Variants in NRCAM observed in about 807,000 individuals in gnomAD.
NRCAM encodes the protein neuronal cell adhesion molecule, also known as NgCAM-related cell adhesion molecule.
Under a neutral mutation model 156.5 loss-of-function variants are expected in NRCAM, and 83 were observed. The ratio of observed to expected loss-of-function variants is 0.53; its 90% CI spans 0.44 to 0.64. NRCAM has a LOEUF of 0.64. Ranked by LOEUF, NRCAM falls within the 30% of genes least tolerant of loss-of-function variation. The pLI is 0.00. For missense variants in NRCAM, 1,417 were observed against 1,597.3 expected, an observed-to-expected ratio of 0.89 and a Z score of 1.92; for synonymous variants, 538 against 563.9, an observed-to-expected ratio of 0.95 and a Z score of 0.65.
chr7:108,231,727 T>C (rs1044323464), intron 7 of NRCAM, among the ~76,000 whole-genome samples: 1 of 152,158 alleles, frequency 6.6e-6, no homozygotes, highest in Non-Finnish European at 1.5e-5. Context: ...TCATGAACAG[T>C]TTTTAAATTT....
chr7:108,332,763 T>C lies in NRCAM; in HGVS notation c.-173-20032A>G, dbSNP rs1330864259. On this transcript the variant is annotated intron_variant, in intron 2 of 32. Transcript: ENST00000379028. Reference sequence around the variant, plus strand: ...ACAATGTAGACATGGGGTGTGTCAATACAACACACATCTTATTCAAAACAC... The same window carrying C: ...ACAATGTAGACATGGGGTGTGTCAACACAACACACATCTTATTCAAAACAC... Among the ~76,000 whole-genome samples, 4 of 152,304 alleles carry C rather than the reference T, an allele frequency of 2.6e-5. No individual in the cohort carries two copies. In the South Asian group the frequency reaches 8.3e-4, roughly 32 times the overall value.
intron 14 of NRCAM, among the ~76,000 whole-genome samples, chr7:108,196,169 T>C (rs1166614282): frequency 6.6e-6 from 1 of 152,216 alleles, no homozygotes; most frequent in African/African-American, 2.4e-5. Context: ...GCACAGTGTC[T>C]GGCACAAAAA....
intron 3 of NRCAM, among the ~76,000 whole-genome samples, chr7:108,291,737 G>C (rs1260824940): frequency 1.3e-5 from 2 of 152,052 alleles, no homozygotes; most frequent in Admixed American, 6.6e-5. Flanking sequence ...AAAGTATAGA[G>C]GAAGAGACAC....
intron 1 of NRCAM, among the ~76,000 whole-genome samples, chr7:108,409,631 T>G (rs1368439766): frequency 6.6e-6 from 1 of 152,206 alleles, no homozygotes; most frequent in Non-Finnish European, 1.5e-5. Flanking sequence ...AGACCCCATT[T>G]TGGGGGAGGA....
rs886961722 is a variant in NRCAM, at chr7:108,190,008, C to T, written c.1934-262G>A. The stretch of plus-strand genomic sequence containing the variant: ...GTAACCAAACCCAGTGAAGCAGACA[C>T]ATGTGGTTCATCAGCACTCTCAGCG... On this transcript the variant is annotated intron_variant, in intron 19 of 32. Coordinates refer to ENST00000379028, the MANE Select transcript of NRCAM (RefSeq NM_001037132.4). Among the ~76,000 whole-genome samples, 4 of 152,158 alleles carry T rather than the reference C, an allele frequency of 2.6e-5. No homozygotes were observed. The South Asian group carries it at 6.2e-4, about 24-fold the overall frequency.
chr7:108,440,375 A>AT lies in NRCAM; in HGVS notation c.-332+15867dup, dbSNP rs904873396. ...AATTCCATTTTTTAATTTGGGTTAC[A>AT]TTTTTTTTTCATTAAATGAATTAAG... On this transcript the variant is annotated intron_variant, in intron 1 of 32. Coordinates refer to ENST00000379028, the MANE Select transcript of NRCAM (RefSeq NM_001037132.4). 4.2e-4 allele frequency among the ~76,000 whole-genome samples: 63 copies of AT among 151,492 alleles called. No individual in the cohort carries two copies. The East Asian group carries it at 0.011, about 26-fold the overall frequency.
At chr7:108,236,710 T>C (rs2095053644) in intron 5 of NRCAM, among the ~76,000 whole-genome samples, 1 of 152,190 alleles carries the variant, frequency 6.6e-6, no homozygotes, top group East Asian at 1.9e-4. Flanking sequence ...ATTATCATAA[T>C]CATTTTTTAT....
intron 2 of NRCAM, among the ~76,000 whole-genome samples, chr7:108,393,587 T>G (rs1187292989): frequency 6.6e-6 from 1 of 152,130 alleles, no homozygotes; most frequent in African/African-American, 2.4e-5. Flanking sequence ...CTGCACCCAC[T>G]GTCCTGCACC....
rs1446607117 is a variant in NRCAM at position 108,299,035 on chromosome 7, G to A, written c.-107+13630C>T. On this transcript the variant is annotated intron_variant, in intron 3 of 32. Transcript: ENST00000379028. ...GCAGAAGAATCGCTTGAACCCAGGA[G>A]GCAGAGTTTGCAGTGAACCAAGATC... Among the ~76,000 whole-genome samples, 3 of 139,652 alleles carry A rather than the reference G, an allele frequency of 2.1e-5. No individual in the cohort carries two copies. The East Asian group carries it at 6.5e-4, about 30-fold the overall frequency. The allele number at this position is 139,652 out of a possible 152,430, so 91.6% of individuals were successfully genotyped here.
chr7:108,190,315 G>C (rs538962021), intron 19 of NRCAM, among the ~76,000 whole-genome samples: 1 of 152,158 alleles, frequency 6.6e-6, no homozygotes, highest in African/African-American at 2.4e-5. Context: ...ACAGTGTATA[G>C]ACAGACACAT....
intron 1 of NRCAM, among the ~76,000 whole-genome samples, chr7:108,444,738 C>T (rs1389892256): frequency 6.6e-6 from 1 of 152,176 alleles, no homozygotes; most frequent in Non-Finnish European, 1.5e-5. Context: ...GGGGCCTAAC[C>T]TAATTATCTC....
intron 3 of NRCAM, among the ~76,000 whole-genome samples, chr7:108,256,934 G>A (rs1274224875): frequency 7.3e-5 from 11 of 151,316 alleles, no homozygotes; most frequent in African/African-American, 1.9e-4. Context: ...ACTTGAACCC[G>A]GGAGGTGGAG....
At chr7:108,408,266 G>C (rs1015864603) in intron 1 of NRCAM, among the ~76,000 whole-genome samples, 2 of 152,260 alleles carry the variant, frequency 1.3e-5, no homozygotes, top group African/African-American at 2.4e-5. Flanking sequence ...CACTTTTTAA[G>C]AGCCCAACAT....
At chr7:108,198,742 T>C (rs1209491918) in intron 13 of NRCAM, among the ~76,000 whole-genome samples, 1 of 152,228 alleles carries the variant, frequency 6.6e-6, no homozygotes, top group Non-Finnish European at 1.5e-5. Context: ...AATAACCAAA[T>C]GTGAAAATAT....
chr7:108,383,466 G>A (rs1990710), intron 2 of NRCAM, among the ~76,000 whole-genome samples: 4,981 of 152,212 alleles, frequency 0.033, 279 homozygotes, highest in African/African-American at 0.11. Flanking sequence ...CAGGGATGAG[G>A]GAATTTGATA....
intron 30 of NRCAM, among the ~76,000 whole-genome samples, chr7:108,162,529 G>C (rs1366215279): frequency 6.6e-6 from 1 of 152,060 alleles, no homozygotes; most frequent in South Asian, 2.1e-4. Context: ...AACTAAAAAG[G>C]GAAAAACAAG....
chr7:108,317,672 G>A (rs2098944392), intron 2 of NRCAM, among the ~76,000 whole-genome samples: 2 of 152,144 alleles, frequency 1.3e-5, no homozygotes, highest in African/African-American at 4.8e-5. Context: ...CACTTTGGGA[G>A]GTTGAGGCAG....
chr7:108,404,398 C>T (rs2099801675), intron 1 of NRCAM, among the ~76,000 whole-genome samples: 1 of 152,140 alleles, frequency 6.6e-6, no homozygotes, highest in South Asian at 2.1e-4. Flanking sequence ...AATTTATGTT[C>T]TATGGCATTT....
chr7:108,227,193 T>C (rs1171642967), intron 8 of NRCAM, among the ~76,000 whole-genome samples: 1 of 152,226 alleles, frequency 6.6e-6, no homozygotes, highest in Non-Finnish European at 1.5e-5. Flanking sequence ...CTCCTTTAAA[T>C]GTGCACTGAA....
Sources: allele counts gnomAD v4.1 joint callset (sites outside exome capture counted in the v4.1 genomes callset), GRCh38; gene constraint gnomAD v4.1.1; transcripts MANE v1.5; gene names NCBI Gene and HGNC (gene_info 2026-07-23, HGNC 2026-07-21).